The following BLCAP variants were observed in gnomAD, a reference collection of about 807,000 sequenced individuals.
BLCAP encodes apoptosis inducing factor BLCAP.
In BLCAP, 1 loss-of-function variant was observed where a neutral mutation model predicts 5.7. The ratio of observed to expected loss-of-function variants is 0.18; its 90% CI spans 0.06 to 0.83. The LOEUF (loss-of-function observed/expected upper bound fraction) is 0.83. Ranked by LOEUF, BLCAP falls within the 40% of genes least tolerant of loss-of-function variation. The probability of loss-of-function intolerance (pLI) is 0.71; values close to 1 mark genes in which losing one functional copy is unlikely to be tolerated. For missense variants in BLCAP, 66 were observed against 107.6 expected, an observed-to-expected ratio of 0.61 and a Z score of 1.71; for synonymous variants, 48 against 49.4, an observed-to-expected ratio of 0.97 and a Z score of 0.11.
rs1220610835 is a variant in BLCAP, at chr20:37,522,370, T to A, written c.-176-3020A>T. On this transcript the variant is annotated intron_variant, in intron 1 of 1. Coordinates refer to ENST00000373537, the MANE Select transcript of BLCAP (RefSeq NM_006698.4). ...TATTTCCTTCAAGGTGTTCCTGGAA[T>A]GCTGCATTTACTGGGTAGGATTCGC... 2.5e-6 allele frequency: 4 copies of A among 1,613,990 alleles called. No individual in the cohort carries two copies. In the South Asian group the frequency reaches 4.4e-5, roughly 18 times the overall value.
At position 37,521,460 on chromosome 20, in the gene BLCAP, C is replaced by G; in HGVS notation, c.-176-2110G>C. ...GTTCCCAACTCGCGCCCCTAGAACC[C>G]GCAAGACTGCGTCGCGATTGCCGCT... On this transcript the variant is annotated intron_variant, in intron 1 of 1. Coordinates refer to ENST00000373537, the MANE Select transcript of BLCAP (RefSeq NM_006698.4). This position sits in a 1 kb window ranked among gnomAD's most constrained non-coding sequence, Gnocchi z 4.5. 19 of 1,530,120 alleles carry G rather than the reference C, an allele frequency of 1.2e-5. No homozygotes were observed. Among genetic ancestry groups the G allele is most frequent in the Non-Finnish European group, 1.7e-5 (19 of 1,103,522 alleles). 94.8% of individuals were successfully genotyped at this position (1,530,120 alleles called of 1,614,324 possible). A position where few individuals can be genotyped will look rare whatever the true frequency, so the allele number is the denominator to read the frequency against.
At chr20:37,526,661 A>G (rs2071727686) in intron 1 of BLCAP, 1 of 152,264 alleles carries the variant, frequency 6.6e-6, no homozygotes, top group Admixed American at 6.5e-5. Context: ...GAAACAACAT[A>G]TTACAGATTA....
intron 1 of BLCAP, chr20:37,520,638 C>T (rs1212917783): frequency 1.3e-5 from 2 of 152,420 alleles, no homozygotes; most frequent in Non-Finnish European, 1.5e-5. Flanking sequence ...TCTGGCTCAG[C>T]TCCCTACAGT....
intron 1 of BLCAP, chr20:37,522,515 G>A (rs2071620005): frequency 6.7e-7 from 1 of 1,485,694 alleles, no homozygotes; most frequent in East Asian, 2.3e-5. Context: ...CAGCTGCCCT[G>A]ACTCGTGGAC....
rs977856131 is a variant in BLCAP at position 37,521,218 on chromosome 20, G to T, written c.-176-1868C>A. On this transcript the variant is annotated intron_variant, in intron 1 of 1. Coordinates refer to ENST00000373537, the MANE Select transcript of BLCAP (RefSeq NM_006698.4). The surrounding 1 kb of genome is among the most constrained non-coding windows in gnomAD (Gnocchi z 4.5). Reference sequence around the variant, plus strand: ...CGCATGCGCACTTAGGTGGCGGGCGGGTACTTAAGGCGCGGCCACCGCGGC... The same window carrying T: ...CGCATGCGCACTTAGGTGGCGGGCGTGTACTTAAGGCGCGGCCACCGCGGC... The T allele has an allele frequency of 1.8e-6, 2 of 1,083,344 alleles. No homozygotes were observed. The highest frequency in any genetic ancestry group is 1.4e-6 in the Non-Finnish European group (1 of 707,698). 67.1% of individuals were successfully genotyped at this position (1,083,344 alleles called of 1,614,324 possible).
chr20:37,522,458 C>A (rs1451844191), intron 1 of BLCAP: 1 of 1,606,758 alleles, frequency 6.2e-7, no homozygotes, highest in East Asian at 2.2e-5. Context: ...AGTTGTGGGT[C>A]CAATCAGCTT....
At chr20:37,522,289 G>C in intron 1 of BLCAP, 1 of 1,312,332 alleles carries the variant, frequency 7.6e-7, no homozygotes, top group Non-Finnish European at 1.1e-6. Context: ...TACCCTAAAA[G>C]CTCCCTTTGC....
At position 37,521,451 on chromosome 20, in the gene BLCAP, C is replaced by T. The variant is rs2071568431; in HGVS notation, c.-176-2101G>A. 6.3e-7 allele frequency: 1 copy of T among 1,575,782 alleles called. No individual in the cohort carries two copies. Among genetic ancestry groups the T allele is most frequent in the South Asian group, 1.1e-5 (1 of 90,376 alleles). The stretch of plus-strand genomic sequence containing the variant: ...TGGGAGAGGGTTCCCAACTCGCGCC[C>T]CTAGAACCCGCAAGACTGCGTCGCG... On this transcript the variant is annotated intron_variant, in intron 1 of 1. Transcript: ENST00000373537. This position sits in a 1 kb window ranked among gnomAD's most constrained non-coding sequence, Gnocchi z 4.5.
In BLCAP at chr20:37,521,256, C is replaced by G; in HGVS notation, c.-176-1906G>C. Reference sequence around the variant, plus strand: ...CGGCCACCGCGGCTGCGGCAGTGCGCCCAACAGCGGACTCCGAGACCAGCG... The same window carrying G: ...CGGCCACCGCGGCTGCGGCAGTGCGGCCAACAGCGGACTCCGAGACCAGCG... On this transcript the variant is annotated intron_variant, in intron 1 of 1. Transcript: ENST00000373537. This position sits in a 1 kb window ranked among gnomAD's most constrained non-coding sequence, Gnocchi z 4.5. The G allele has an allele frequency of 6.7e-7, 1 of 1,502,322 alleles. No homozygotes were observed. The highest frequency in any genetic ancestry group is 1.7e-5 in the Admixed American group (1 of 59,668). 93.1% of individuals were successfully genotyped at this position (1,502,322 alleles called of 1,614,324 possible). A position where few individuals can be genotyped will look rare whatever the true frequency, so the allele number is the denominator to read the frequency against.
Position 37,521,449 on chromosome 20 carries a change from C to G in BLCAP, c.-176-2099G>C, listed in dbSNP as rs562636458. ...GGTGGGAGAGGGTTCCCAACTCGCG[C>G]CCCTAGAACCCGCAAGACTGCGTCG... is the stretch of plus-strand genomic sequence containing the variant. On this transcript the variant is annotated intron_variant, in intron 1 of 1. Transcript: ENST00000373537. The surrounding 1 kb of genome is among the most constrained non-coding windows in gnomAD (Gnocchi z 4.5). 8 of 1,574,626 alleles carry G rather than the reference C, an allele frequency of 5.1e-6. No homozygotes were observed. The highest frequency in any genetic ancestry group is 7.0e-6 in the Non-Finnish European group (8 of 1,144,126).
rs1359236553 is a variant in BLCAP at position 37,518,107 on chromosome 20, A to G, written c.*804T>C. The G allele has an allele frequency of 6.6e-6, 1 of 152,308 alleles. No individual in the cohort carries two copies. Among genetic ancestry groups the G allele is most frequent in the African/African-American group, 2.4e-5 (1 of 41,448 alleles). The allele number at this position is 152,308 out of a possible 1,614,324, so 9.4% of individuals were successfully genotyped here. On this transcript the variant is annotated 3_prime_UTR_variant, in exon 2 of 2. Coordinates refer to ENST00000373537, the MANE Select transcript of BLCAP (RefSeq NM_006698.4). ...ACTGCTAGAACTACGTGAACACACC[A>G]TACTTCAATGCTGCAGAGCATGCAC...
rs967155351 is a variant in BLCAP, at chr20:37,518,725, T to C, written c.*186A>G. 2.8e-5 allele frequency: 24 copies of C among 857,644 alleles called. No individual in the cohort carries two copies. Among genetic ancestry groups the C allele is most frequent in the Middle Eastern group, 4.6e-4 (2 of 4,368 alleles). The allele number at this position is 857,644 out of a possible 1,614,324, so 53.1% of individuals were successfully genotyped here. On this transcript the variant is annotated 3_prime_UTR_variant, in exon 2 of 2. Coordinates refer to ENST00000373537, the MANE Select transcript of BLCAP (RefSeq NM_006698.4). The stretch of plus-strand genomic sequence containing the variant: ...AAGACCACCCACGACTATAGGACTT[T>C]ACAATAAAAGCACCGGTCAGTGCCA...
chr20:37,521,698 A>C lies in BLCAP; in HGVS notation c.-176-2348T>G. ...TTTAGCGACCTACGCGGTAAGAAAA[A>C]CCCGCTACACCCGGACTCGACCCCA... is the stretch of plus-strand genomic sequence containing the variant. On this transcript the variant is annotated intron_variant, in intron 1 of 1. Coordinates refer to ENST00000373537, the MANE Select transcript of BLCAP (RefSeq NM_006698.4). This position sits in a 1 kb window ranked among gnomAD's most constrained non-coding sequence, Gnocchi z 4.5. The C allele has an allele frequency of 2.7e-6, 1 of 366,016 alleles. No individual in the cohort carries two copies. The highest frequency in any genetic ancestry group is 4.4e-5 in the Admixed American group (1 of 22,670). The allele number at this position is 366,016 out of a possible 1,614,324, so 22.7% of individuals were successfully genotyped here. A position where few individuals can be genotyped will look rare whatever the true frequency, so the allele number is the denominator to read the frequency against.
chr20:37,525,558 A>G (rs961090517), intron 1 of BLCAP, among the ~76,000 whole-genome samples: 4 of 152,290 alleles, frequency 2.6e-5, no homozygotes, highest in East Asian at 1.9e-4. Context: ...GTGGGCTTCA[A>G]TGTGCAATGT....
At chr20:37,525,240 C>T (rs561433558) in intron 1 of BLCAP, among the ~76,000 whole-genome samples, 7 of 152,308 alleles carry the variant, frequency 4.6e-5, no homozygotes, top group East Asian at 1.9e-4. Flanking sequence ...ACCCTCCCTT[C>T]GGAGCTTTTG....
chr20:37,527,255 G>T (rs2071738825), intron 1 of BLCAP, among the ~76,000 whole-genome samples: 1 of 152,158 alleles, frequency 6.6e-6, no homozygotes, highest in Non-Finnish European at 1.5e-5. Flanking sequence ...GTTGGAGGGA[G>T]TAAGAAGCGC....
intron 1 of BLCAP, chr20:37,522,914 G>A (rs887430819): frequency 1.1e-5 from 7 of 613,060 alleles, no homozygotes; most frequent in Middle Eastern, 4.4e-4. Flanking sequence ...GTAGACCCCC[G>A]GAGAAGCAGT....
chr20:37,518,826 G>C lies in BLCAP; in HGVS notation c.*85C>G, dbSNP rs930065687. 21 of 1,531,504 alleles carry C rather than the reference G, an allele frequency of 1.4e-5. No homozygotes were observed. In the Admixed American group the frequency reaches 1.6e-4, roughly 12 times the overall value. 94.9% of individuals were successfully genotyped at this position (1,531,504 alleles called of 1,614,324 possible). A position where few individuals can be genotyped will look rare whatever the true frequency, so the allele number is the denominator to read the frequency against. ...GAATGTGACACCCGCGAGGCTGCGG[G>C]ATTTGAAACTCCAATGCTTTATGAC... On this transcript the variant is annotated 3_prime_UTR_variant, in exon 2 of 2. Coordinates refer to ENST00000373537, the MANE Select transcript of BLCAP (RefSeq NM_006698.4).
rs1380866985 is a variant in BLCAP, at chr20:37,519,129, G to C, written c.46C>G (p.Pro16Ala). Residue 16 changes from proline to alanine, a missense_variant, in exon 2 of 2, where the codon CCC becomes GCC. Coordinates refer to ENST00000373537, the MANE Select transcript of BLCAP (RefSeq NM_006698.4). Reference protein sequence around the residue: ...WLLPVLLIPKPLNPALWFSHS... With the variant: ...WLLPVLLIPKALNPALWFSHS... ...CTGAACCACAGGGCGGGGTTGAGGG[G>C]CTTGGGGATGAGGAGGACGGGCAGC... 6.2e-7 allele frequency: 1 copy of C among 1,607,696 alleles called. No individual in the cohort carries two copies.
Sources: gnomAD v4.1 joint callset for allele counts (sites outside exome capture counted in the v4.1 genomes callset) on GRCh38, gnomAD v4.1.1 for gene constraint, Gnocchi (gnomAD v3.1) non-coding constraint, MANE v1.5 for transcripts, NCBI Gene and HGNC (gene_info 2026-07-23, HGNC 2026-07-21) for gene names.